The following CCP110 variants were observed in gnomAD, a reference collection of about 807,000 sequenced individuals.
The protein encoded by CCP110 is centriolar coiled-coil protein of 110 kDa.
Under a neutral mutation model 105.5 loss-of-function variants are expected in CCP110, and 43 were observed. The observed-to-expected ratio is 0.41, with a 90% CI of 0.32 to 0.53. The LOEUF is 0.53. Among genes scored for constraint, CCP110 ranks in the 20% least tolerant of loss-of-function variants. The pLI is 0.32. For missense variants in CCP110, 1,016 were observed against 1,189.1 expected (o/e 0.85, Z 2.14); for synonymous variants, 353 against 392.1 (o/e 0.90, Z 1.18).
At chr16:19,545,023 T>G in intron 9 of CCP110, 71 bp from the exon 10 acceptor site, 1 of 989,280 alleles carries the variant, frequency 1.0e-6, no homozygotes, top group Non-Finnish European at 1.6e-6. Context: ...TAAGTGTACA[T>G]GGTATATAGT....
chr16:19,537,283 A>G, exon 4 of CCP110: 1 of 1,614,198 alleles, frequency 6.2e-7, no homozygotes, highest in Non-Finnish European at 8.5e-7. Flanking sequence ...GCAGTTTGCA[A>G]ACAGAACTGA....
intron 9 of CCP110, 48 bp downstream of exon 9, chr16:19,544,946 T>G: frequency 1.9e-6 from 2 of 1,072,146 alleles, no homozygotes; most frequent in Non-Finnish European, 2.8e-6. Flanking sequence ...CATATTATAT[T>G]TCTCCTTTTT....
At chr16:19,536,207 A>G (rs1323759440) in exon 4 of CCP110, 1 of 1,614,126 alleles carries the variant, frequency 6.2e-7, no homozygotes, top group Admixed American at 1.7e-5. Flanking sequence ...TTCCAATATT[A>G]GTCATGTAGA....
intron 14 of CCP110, among the ~76,000 whole-genome samples, chr16:19,550,351 C>T (rs1319086024): frequency 6.6e-6 from 1 of 152,074 alleles, no homozygotes; most frequent in Non-Finnish European, 1.5e-5. Context: ...TGGGGTTTTA[C>T]CATATTGGCC....
intron 6 of CCP110, 81 bp downstream of exon 6, chr16:19,542,145 C>A: frequency 2.1e-6 from 2 of 949,402 alleles, no homozygotes. Context: ...AAGATTATAT[C>A]TCCTGTTTTC....
exon 2 of CCP110, chr16:19,528,008 A>G (rs1273827088): frequency 6.2e-7 from 1 of 1,610,306 alleles, no homozygotes; most frequent in African/African-American, 1.3e-5. Context: ...TGGAGTGGCT[A>G]TCCTTTCTCC....
At chr16:19,534,726 C>T (rs575822034) in intron 3 of CCP110, among the ~76,000 whole-genome samples, 1 of 151,824 alleles carries the variant, frequency 6.6e-6, no homozygotes, top group South Asian at 2.1e-4. Flanking sequence ...GAGGTTGTGA[C>T]TAAGTATGTC....
chr16:19,541,956 A>C (rs765305529), exon 6 of CCP110: 2 of 1,611,422 alleles, frequency 1.2e-6, no homozygotes, highest in African/African-American at 2.7e-5. Context: ...TGAGTTGGAC[A>C]TTAACAATGC....
chr16:19,537,248 C>G, exon 4 of CCP110: 1 of 1,614,090 alleles, frequency 6.2e-7, no homozygotes, highest in Non-Finnish European at 8.5e-7. Flanking sequence ...TGGACTCAAG[C>G]CAGCCAGTAT....
Position 19,527,962 on chromosome 16 carries a change from T to A in CCP110, c.81T>A (p.Pro27=), listed in dbSNP as rs148895836. 26 of 1,613,762 alleles carry A rather than the reference T, an allele frequency of 1.6e-5. No individual in the cohort carries two copies. The African/African-American group carries it at 3.2e-4, about 20-fold the overall frequency. ...CACTATCCACAGAGAGCTTTCTCCC[T>A]GCTCAGTCTGAAAGTATCTCACTTA... Residue 27 remains proline, a synonymous_variant, in exon 2 of 15, where the codon CCT becomes CCA. Transcript: ENST00000381396.
chr16:19,541,896 G>A, exon 6 of CCP110: 1 of 1,583,152 alleles, frequency 6.3e-7, no homozygotes, highest in Non-Finnish European at 8.6e-7. Context: ...GGAAATAGAA[G>A]AGCAGGAGAA....
rs930799479 is a variant in CCP110, at chr16:19,542,526, G to A, written c.2228-95G>A. The A allele has an allele frequency of 7.3e-5, 68 of 925,176 alleles. No individual in the cohort carries two copies. In the African/African-American group the frequency reaches 9.3e-4, roughly 13 times the overall value. 57.3% of individuals were successfully genotyped at this position (925,176 alleles called of 1,614,324 possible). On this transcript the variant is annotated intron_variant, in intron 6 of 14. Transcript: ENST00000381396. The stretch of plus-strand genomic sequence containing the variant: ...AGGTAGGTCATTTTTGGAGGCAGTT[G>A]TTATTCTTAATGAGTGTCACAAGTG...
intron 9 of CCP110, 52 bp downstream of exon 9, chr16:19,544,950 C>G: frequency 9.3e-7 from 1 of 1,072,248 alleles, no homozygotes; most frequent in Non-Finnish European, 1.4e-6. Flanking sequence ...TTATATTTCT[C>G]CTTTTTTATT....
rs550899694 is a variant in CCP110, at chr16:19,533,381, A to G, written c.270+837A>G. Among the ~76,000 whole-genome samples the G allele has an allele frequency of 1.7e-4, 26 of 152,294 alleles. No homozygotes were observed. The East Asian group carries it at 5.0e-3, about 29-fold the overall frequency. ...CCAAGGAAAAAGAGACAAAAGTTAC[A>G]GTAGAATCTGTGGCTTATGCTTTTC... On this transcript the variant is annotated intron_variant, in intron 3 of 14. Coordinates refer to ENST00000381396, the Ensembl canonical transcript of CCP110.
rs779627924 is a variant in CCP110 at position 19,548,494 on chromosome 16, A to C, written c.2901-21A>C. 9.9e-5 allele frequency: 145 copies of C among 1,465,168 alleles called. No individual in the cohort carries two copies. Among genetic ancestry groups the C allele is most frequent in the Non-Finnish European group, 1.2e-4 (131 of 1,082,862 alleles). The allele number at this position is 1,465,168 out of a possible 1,614,324, so 90.8% of individuals were successfully genotyped here. ...TAGACCTTAATGCCAGTGACTTATTAATTTTTTTATATTCAATTAGAACCC... is the reference window on the plus strand; with the variant it reads ...TAGACCTTAATGCCAGTGACTTATTCATTTTTTTATATTCAATTAGAACCC... On this transcript the variant is annotated intron_variant, in intron 13 of 14. Coordinates refer to ENST00000381396, the Ensembl canonical transcript of CCP110. The surrounding 1 kb of genome is among the most constrained non-coding windows in gnomAD (Gnocchi z 4.1).
exon 10 of CCP110, chr16:19,545,095 T>G: frequency 6.9e-6 from 11 of 1,587,856 alleles, no homozygotes; most frequent in Non-Finnish European, 9.5e-6. Flanking sequence ...TGTGCCTAGT[T>G]GCGAGCTGCC....
In CCP110 at chr16:19,537,025, T is replaced by C. The variant is rs762126255; in HGVS notation, c.1356T>C (p.Asp452=). The change falls in exon 4 of 15, where the codon GAT becomes GAC. Residue 452 remains aspartate (D), a synonymous_variant. Coordinates refer to ENST00000381396, the Ensembl canonical transcript of CCP110. Reference sequence around the variant, plus strand: ...AAAATACATCTGAAGTCAAAGAAGATGTGGTTTTAGGTAAATCAAATCAGG... The same window carrying C: ...AAAATACATCTGAAGTCAAAGAAGACGTGGTTTTAGGTAAATCAAATCAGG... 30 of 1,614,112 alleles carry C rather than the reference T, an allele frequency of 1.9e-5. No individual in the cohort carries two copies. The Admixed American group carries it at 3.8e-4, about 21-fold the overall frequency.
chr16:19,545,229 A>G lies in CCP110; in HGVS notation c.2703+19A>G, dbSNP rs1235285366. ...GCAAATGGTATGTTATATGATTTCT[A>G]ATGAATAGAGTTCTTCTGGGTTTAG... On this transcript the variant is annotated intron_variant, in intron 10 of 14. Transcript: ENST00000381396. 1.4e-6 allele frequency: 2 copies of G among 1,401,294 alleles called. No homozygotes were observed. The highest frequency in any genetic ancestry group is 3.5e-5 in the Admixed American group (2 of 57,898). The allele number at this position is 1,401,294 out of a possible 1,614,324, so 86.8% of individuals were successfully genotyped here.
Position 19,540,672 on chromosome 16 carries a change from T to C in CCP110, c.1934T>C (p.Leu645Pro), listed in dbSNP as rs144284874. 145 of 1,612,676 alleles carry C rather than the reference T, an allele frequency of 9.0e-5. 1 individual carries two copies. The highest frequency in any genetic ancestry group is 8.3e-5 in the Non-Finnish European group (98 of 1,179,382). ...TTCTTTTCAGAAAGCGAGGAGTTAC[T>C]AAAAAGCAAGATGTTAGCTTTTGAA... is the stretch of plus-strand genomic sequence containing the variant. The change falls in exon 5 of 15, where the codon CTA becomes CCA. Residue 645 changes from leucine (L) to proline (P), a missense_variant. Coordinates refer to ENST00000381396, the Ensembl canonical transcript of CCP110.
Sources: gnomAD v4.1 joint callset for allele counts (sites outside exome capture counted in the v4.1 genomes callset) on GRCh38, gnomAD v4.1.1 for gene constraint, Gnocchi (gnomAD v3.1) non-coding constraint, MANE v1.5 for transcripts, NCBI Gene and HGNC (gene_info 2026-07-23, HGNC 2026-07-21) for gene names.